IGSF10: variants seen among roughly 807,000 people sequenced by gnomAD.
IGSF10 encodes calvaria mechanical force protein 608.
IGSF10 carries 126 observed loss-of-function variants against 128.2 expected under a neutral mutation model. The observed-to-expected ratio is 0.98, with a 90% CI of 0.85 to 1.14. The LOEUF is 1.14. Among genes scored for constraint, IGSF10 ranks in the 50% most tolerant of loss-of-function variants. The pLI, the probability that IGSF10 is intolerant of heterozygous loss-of-function variation, is 0.00. For synonymous variants in IGSF10, 1,185 were observed against 1,146.2 expected, an observed-to-expected ratio of 1.03 and a Z score of -0.68; for missense variants, 3,295 against 3,149.8, an observed-to-expected ratio of 1.05 and a Z score of -1.10.
At chr3:151,528,082 T>C in the IGSF10 span, among the ~76,000 whole-genome samples, 1 of 152,240 alleles carries the variant, frequency 6.6e-6, no homozygotes, top group African/African-American at 2.4e-5. Context: ...CAGTGCTTTT[T>C]TTCCTAGTAT....
rs748147099 is a variant in IGSF10 at position 151,437,139 on chromosome 3, T to A, written c.7422A>T (p.Val2474=). The change falls in exon 8 of 8, where the codon GTA becomes GTT. Residue 2474 remains valine, a synonymous_variant. Coordinates refer to ENST00000282466, the MANE Select transcript of IGSF10 (RefSeq NM_178822.5). The part of the protein sequence containing the change: ...IKWTMPSGYV[V]DRPQINGKYI... ...ATTTCCCATTAATTTGAGGCCTGTC[T>A]ACTACATAACCACTTGGCATAGTCC... 6.2e-7 allele frequency: 1 copy of A among 1,614,212 alleles called. No individual in the cohort carries two copies. The highest frequency in any genetic ancestry group is 1.7e-5 in the Admixed American group (1 of 60,030).
At chr3:151,552,066 C>CG in the IGSF10 span, among the ~76,000 whole-genome samples, 10 of 152,104 alleles carry the variant, frequency 6.6e-5, no homozygotes, top group Non-Finnish European at 4.4e-5. Context: ...GATTGGGTCA[C>CG]GGGGACAGAT....
At chr3:151,568,843 T>C in the IGSF10 span, among the ~76,000 whole-genome samples, 1 of 152,164 alleles carries the variant, frequency 6.6e-6, no homozygotes, top group Non-Finnish European at 1.5e-5. Context: ...TGTCAGAGTG[T>C]GTAGTCATGA....
the IGSF10 span, among the ~76,000 whole-genome samples, chr3:151,533,420 T>C: frequency 1.3e-5 from 2 of 152,172 alleles, no homozygotes; most frequent in African/African-American, 4.8e-5. Flanking sequence ...AAGGCTACAG[T>C]AACCAAAACA....
the IGSF10 span, among the ~76,000 whole-genome samples, chr3:151,572,319 G>T: frequency 6.6e-6 from 1 of 152,146 alleles, no homozygotes; most frequent in Admixed American, 6.5e-5. Flanking sequence ...TTGTACCTCT[G>T]GTAGAATTCG....
chr3:151,446,145 TTG>T lies in IGSF10; in HGVS notation c.3834_3835del (p.His1278GlnfsTer17), dbSNP rs763787788. On this transcript the variant is annotated frameshift_variant, in exon 6 of 8. Coordinates refer to ENST00000282466, the MANE Select transcript of IGSF10 (RefSeq NM_178822.5). LOFTEE classifies it high-confidence loss of function. ...CTTCTTTGTTGGAAGACTTCCAGGATTGTGTGTTTTGGTCGTAGTGTGGTGAG... is the reference window on the plus strand; with the variant it reads ...CTTCTTTGTTGGAAGACTTCCAGGATTGTGTTTTGGTCGTAGTGTGGTGAG... The T allele has an allele frequency of 3.3e-5, 54 of 1,614,004 alleles. No individual in the cohort carries two copies. The highest frequency in any genetic ancestry group is 4.5e-5 in the Non-Finnish European group (53 of 1,180,032).
Position 151,448,851 on chromosome 3 carries a change from A to C in IGSF10, c.1130T>G (p.Ile377Ser). ...DYGHIQPVWQ[I>S]LALYSDSPLI... is the part of the protein sequence containing the mutation. ...AGGAGAATCACTGTACAAAGCCAAA[A>C]TTTGCCACACTGGCTGAATGTGACC... Residue 377 changes from isoleucine (I) to serine (S), a missense_variant, in exon 6 of 8, where the codon ATT becomes AGT. Ile to Ser is a moderately radical substitution (Grantham distance 142). Coordinates refer to ENST00000282466, the MANE Select transcript of IGSF10 (RefSeq NM_178822.5). 1 of 1,613,956 alleles carries C rather than the reference A, an allele frequency of 6.2e-7. No homozygotes were observed. Among genetic ancestry groups the C allele is most frequent in the Non-Finnish European group, 8.5e-7 (1 of 1,179,806 alleles).
the IGSF10 span, among the ~76,000 whole-genome samples, chr3:151,518,657 G>GA: frequency 3.9e-5 from 6 of 151,930 alleles, no homozygotes; most frequent in East Asian, 9.7e-4. Context: ...ATGTCACATA[G>GA]GACTTTATCT....
chr3:151,612,640 T>G, the IGSF10 span, among the ~76,000 whole-genome samples: 1 of 152,178 alleles, frequency 6.6e-6, no homozygotes, highest in African/African-American at 2.4e-5. Context: ...GTGATTTCCT[T>G]ATATGATACG....
the IGSF10 span, among the ~76,000 whole-genome samples, chr3:151,602,166 TA>T: frequency 6.6e-6 from 1 of 152,166 alleles, no homozygotes; most frequent in Non-Finnish European, 1.5e-5. Flanking sequence ...ATCTGAGACA[TA>T]AAGGGATTCT....
the IGSF10 span, among the ~76,000 whole-genome samples, chr3:151,588,509 T>C: frequency 1.3e-5 from 2 of 152,198 alleles, no homozygotes. Context: ...AATTGGGAAA[T>C]GCATATACAC....
chr3:151,461,000 G>A lies in IGSF10; in HGVS notation c.-143C>T, dbSNP rs1366222179. 6 of 984,416 alleles carry A rather than the reference G, an allele frequency of 6.1e-6. No homozygotes were observed. Among genetic ancestry groups the A allele is most frequent in the Admixed American group, 6.2e-5 (1 of 16,260 alleles). 61.0% of individuals were successfully genotyped at this position (984,416 alleles called of 1,614,324 possible). ...GCTGCCCGGGCTAGGTCCCGGGCTC[G>A]GTCCCGGGCTCAGCTGCTGGGGTCG... On this transcript the variant is annotated 5_prime_UTR_variant, in exon 1 of 8. Transcript: ENST00000282466.
intron 7 of IGSF10, among the ~76,000 whole-genome samples, chr3:151,441,184 C>G (rs1577664179): frequency 6.6e-6 from 1 of 152,288 alleles, no homozygotes; most frequent in Non-Finnish European, 1.5e-5. Flanking sequence ...CACCCAAGAT[C>G]TGATGCAACT....
intron 7 of IGSF10, among the ~76,000 whole-genome samples, chr3:151,439,639 G>T (rs1720717881): frequency 6.6e-6 from 1 of 152,190 alleles, no homozygotes; most frequent in South Asian, 2.1e-4. Flanking sequence ...TACTTTGTTA[G>T]AATACCAACG....
the IGSF10 span, among the ~76,000 whole-genome samples, chr3:151,527,066 G>A: frequency 2.6e-5 from 4 of 152,118 alleles, no homozygotes; most frequent in African/African-American, 9.7e-5. Flanking sequence ...GGTAGAATTT[G>A]TAGAAAAAAA....
chr3:151,577,065 A>G, the IGSF10 span, among the ~76,000 whole-genome samples: 1 of 152,162 alleles, frequency 6.6e-6, no homozygotes, highest in African/African-American at 2.4e-5. Context: ...CTGCCCTATG[A>G]CATCGGGTCT....
At chr3:151,590,077 G>GCATA in the IGSF10 span, among the ~76,000 whole-genome samples, 1 of 151,884 alleles carries the variant, frequency 6.6e-6, no homozygotes, top group Non-Finnish European at 1.5e-5. Context: ...CTCACTCTAT[G>GCATA]GCCCAGGCTG....
the IGSF10 span, among the ~76,000 whole-genome samples, chr3:151,482,020 C>A: frequency 2.0e-5 from 3 of 152,140 alleles, no homozygotes; most frequent in African/African-American, 7.2e-5. Flanking sequence ...CCAACCGACA[C>A]CCTCAAGCAC....
At chr3:151,485,448 G>A in the IGSF10 span, among the ~76,000 whole-genome samples, 1 of 151,990 alleles carries the variant, frequency 6.6e-6, no homozygotes, top group Non-Finnish European at 1.5e-5. Flanking sequence ...AAAATACAGA[G>A]AACACCACAA....
Sources: gnomAD v4.1 joint callset for allele counts (sites outside exome capture counted in the v4.1 genomes callset) on GRCh38, gnomAD v4.1.1 for gene constraint, MANE v1.5 for transcripts, NCBI Gene and HGNC (gene_info 2026-07-23, HGNC 2026-07-21) for gene names.